The following STEAP3 variants were observed in gnomAD, a reference collection of about 807,000 sequenced individuals.
STEAP3 encodes the protein STEAP3 metalloreductase, also known as metalloreductase STEAP3.
STEAP3 carries 35 observed loss-of-function variants against 34.9 expected under a neutral mutation model. The ratio of observed to expected loss-of-function variants is 1.00; its 90% CI spans 0.76 to 1.33. The LOEUF is 1.33. Among genes scored for constraint, STEAP3 ranks in the 40% most tolerant of loss-of-function variants. The pLI is 0.00. For missense variants in STEAP3, 652 were observed against 667.6 expected (o/e 0.98, Z 0.26); for synonymous variants, 281 against 301.6 (o/e 0.93, Z 0.71).
At chr2:119,252,546 T>C (rs965330593) in intron 4 of STEAP3, among the ~76,000 whole-genome samples, 3 of 152,150 alleles carry the variant, frequency 2.0e-5, no homozygotes, top group Admixed American at 1.3e-4. Context: ...ATGCTGTCTT[T>C]CCATCTCTTG....
At chr2:119,238,961 C>T (rs865819937) in intron 2 of STEAP3, among the ~76,000 whole-genome samples, 1 of 152,082 alleles carries the variant, frequency 6.6e-6, no homozygotes, top group African/African-American at 2.4e-5. Context: ...CCTCCCAAAG[C>T]TCAGGGAAGT....
At chr2:119,260,549 G>T (rs1677913738) in intron 5 of STEAP3, among the ~76,000 whole-genome samples, 1 of 152,122 alleles carries the variant, frequency 6.6e-6, no homozygotes, top group South Asian at 2.1e-4. Flanking sequence ...GCCCGCCTCG[G>T]CCTCCCAAAG....
intron 1 of STEAP3, among the ~76,000 whole-genome samples, chr2:119,224,786 A>T (rs768965904): frequency 9.2e-5 from 14 of 152,208 alleles, no homozygotes; most frequent in Non-Finnish European, 1.3e-4. Context: ...TATAATTAAC[A>T]GCAGATATTC....
At chr2:119,230,442 C>T (rs939002106) in intron 1 of STEAP3, among the ~76,000 whole-genome samples, 178 bp from the exon 2 acceptor site, 1 of 152,128 alleles carries the variant, frequency 6.6e-6, no homozygotes, top group African/African-American at 2.4e-5. Flanking sequence ...TTTGTGGGCA[C>T]CAAATGCTGA....
chr2:119,242,073 A>T (rs113369804), intron 2 of STEAP3, among the ~76,000 whole-genome samples: 1 of 151,766 alleles, frequency 6.6e-6, no homozygotes, highest in Non-Finnish European at 1.5e-5. Context: ...CTTTCCCCCA[A>T]CCCACACTAG....
In STEAP3 at chr2:119,230,806, G is replaced by T. The variant is rs2104791421; in HGVS notation, c.-207G>T. On this transcript the variant is annotated 5_prime_UTR_variant, in exon 2 of 6. Coordinates refer to ENST00000393110, the MANE Select transcript of STEAP3 (RefSeq NM_182915.3). ...AACCAAGCATCAGTCACCACTCCCG[G>T]TCCAGCCCCTGTGGCCAAGAGCTGG... 4 of 651,188 alleles carry T rather than the reference G, an allele frequency of 6.1e-6. No homozygotes were observed. Among genetic ancestry groups the T allele is most frequent in the Non-Finnish European group, 8.3e-6 (3 of 361,756 alleles). The allele number at this position is 651,188 out of a possible 1,614,324, so 40.3% of individuals were successfully genotyped here.
intron 2 of STEAP3, among the ~76,000 whole-genome samples, chr2:119,241,545 G>A (rs1354124997): frequency 2.0e-5 from 3 of 152,220 alleles, no homozygotes; most frequent in African/African-American, 7.2e-5. Context: ...ATAAGTCTAG[G>A]ACTTTTCATA....
Position 119,250,776 on chromosome 2 carries a change from G to T in STEAP3, c.1050+2570G>T, listed in dbSNP as rs531488226. Among the ~76,000 whole-genome samples the T allele has an allele frequency of 4.7e-3, 714 of 152,240 alleles. 3 individuals carry two copies. The highest frequency in any genetic ancestry group is 5.7e-3 in the Admixed American group (87 of 15,288). On this transcript the variant is annotated intron_variant, in intron 4 of 5. Transcript: ENST00000393110. ...TCTGTTAACCCAATTCTGCCCTGAT[G>T]CAAATACCAGGGCACAGAGGGGCGC...
chr2:119,239,722 G>A (rs768196988), intron 2 of STEAP3, among the ~76,000 whole-genome samples: 6 of 152,262 alleles, frequency 3.9e-5, no homozygotes, highest in Non-Finnish European at 8.8e-5. Context: ...CCCGCTGTCC[G>A]AAGTCAGTAC....
intron 2 of STEAP3, among the ~76,000 whole-genome samples, chr2:119,243,888 C>T (rs546170875): frequency 6.6e-6 from 1 of 152,256 alleles, no homozygotes; most frequent in East Asian, 1.9e-4. Flanking sequence ...TCCAGAGGTT[C>T]CAGGAGAGTG....
At chr2:119,233,602 T>G (rs554875251) in intron 2 of STEAP3, among the ~76,000 whole-genome samples, 5 of 152,198 alleles carry the variant, frequency 3.3e-5, no homozygotes, top group Non-Finnish European at 5.9e-5. Context: ...AAAAATGTAT[T>G]GAGCACTTAC....
At chr2:119,258,774 AT>A (rs57860527) in intron 5 of STEAP3, among the ~76,000 whole-genome samples, 9,531 of 120,918 alleles carry the variant, frequency 0.079, 473 homozygotes, top group South Asian at 0.18. Context: ...CACCTGGCTA[AT>A]TTTTTTTTTT....
rs537470551 is a variant in STEAP3, at chr2:119,263,332, C to T, written c.1491C>T (p.His497=). ...ACGCCCTGGCCGAGAAGACGAGCCACGTATGAGGTGCCTGCCCTGGGCTCT... is the reference window on the plus strand; with the variant it reads ...ACGCCCTGGCCGAGAAGACGAGCCATGTATGAGGTGCCTGCCCTGGGCTCT... The part of the protein sequence containing the change: ...TDHALAEKTS[H]V The change falls in exon 6 of 6, where the codon CAC becomes CAT. Residue 497 remains histidine, a synonymous_variant. Coordinates refer to ENST00000393110, the MANE Select transcript of STEAP3 (RefSeq NM_182915.3). 5.1e-5 allele frequency: 83 copies of T among 1,612,176 alleles called. No homozygotes were observed. In the Admixed American group the frequency reaches 6.9e-4, roughly 13 times the overall value.
intron 1 of STEAP3, among the ~76,000 whole-genome samples, chr2:119,230,354 GGTCT>G (rs58105709): frequency 1.1e-4 from 17 of 152,042 alleles, no homozygotes; most frequent in South Asian, 2.1e-4. Flanking sequence ...TCTGTTTGTG[GGTCT>G]GTCTGTCTGT....
At chr2:119,229,883 C>CAG (rs202060165) in intron 1 of STEAP3, among the ~76,000 whole-genome samples, 29 of 152,046 alleles carry the variant, frequency 1.9e-4, no homozygotes, top group Non-Finnish European at 2.8e-4. Flanking sequence ...TGTTAGACTC[C>CAG]GCGGAGATTC....
At chr2:119,246,016 G>C (rs59695964) in intron 3 of STEAP3, 28 bp downstream of exon 3, 17 of 1,587,034 alleles carry the variant, frequency 1.1e-5, no homozygotes, top group Non-Finnish European at 1.5e-5. Flanking sequence ...AATACCCATC[G>C]TAACAATAAA....
At chr2:119,241,531 G>C (rs959562749) in intron 2 of STEAP3, among the ~76,000 whole-genome samples, 1 of 152,226 alleles carries the variant, frequency 6.6e-6, no homozygotes, top group Non-Finnish European at 1.5e-5. Context: ...GGACCCTTAG[G>C]ACCATAAGTC....
chr2:119,237,188 G>A (rs1306016735), intron 2 of STEAP3, among the ~76,000 whole-genome samples: 1 of 152,210 alleles, frequency 6.6e-6, no homozygotes, highest in African/African-American at 2.4e-5. Context: ...TTCAGGATCA[G>A]TCACCTTAGT....
intron 2 of STEAP3, among the ~76,000 whole-genome samples, chr2:119,241,574 G>A (rs1450754212): frequency 2.0e-5 from 3 of 152,216 alleles, no homozygotes; most frequent in African/African-American, 7.2e-5. Flanking sequence ...GACTGCTGGG[G>A]ATGAAAGGGG....
Sources: allele counts gnomAD v4.1 joint callset (sites outside exome capture counted in the v4.1 genomes callset), GRCh38; gene constraint gnomAD v4.1.1; transcripts MANE v1.5; gene names NCBI Gene and HGNC (gene_info 2026-07-23, HGNC 2026-07-21).